BIRC2: variants seen among roughly 807,000 people sequenced by gnomAD.
BIRC2 encodes the protein baculoviral IAP repeat containing 2, also known as baculoviral IAP repeat-containing protein 2.
BIRC2 carries 18 observed loss-of-function variants against 60.9 expected under a neutral mutation model. The observed-to-expected ratio is 0.30, with a 90% confidence interval of 0.20 to 0.44. BIRC2 has a LOEUF of 0.44. Among genes scored for constraint, BIRC2 ranks in the 20% least tolerant of loss-of-function variants. The probability of loss-of-function intolerance (pLI) is 1.00; values close to 1 mark genes in which losing one functional copy is unlikely to be tolerated. For synonymous variants in BIRC2, 282 were observed against 247.7 expected (o/e 1.14, Z -1.30); for missense variants, 701 against 728.5 (o/e 0.96, Z 0.43).
chr11:102,356,149 G>A (rs1951417224), intron 3 of BIRC2, among the ~76,000 whole-genome samples: 1 of 149,554 alleles, frequency 6.7e-6, no homozygotes, highest in Non-Finnish European at 1.5e-5. Context: ...CGTGGCAAGA[G>A]TAAGCACCCT....
At chr11:102,351,045 T>C in intron 3 of BIRC2, 102 bp downstream of exon 3, 1 of 1,006,630 alleles carries the variant, frequency 9.9e-7, no homozygotes, top group South Asian at 1.6e-5. Flanking sequence ...ACAAAGCCTC[T>C]TTTATGCCAT....
intron 6 of BIRC2, among the ~76,000 whole-genome samples, chr11:102,376,744 T>C (rs1355049458): frequency 6.6e-6 from 1 of 152,238 alleles, no homozygotes. Flanking sequence ...ATTTATAAAA[T>C]AATAATGGTA....
At chr11:102,364,719 G>A (rs187242265) in intron 5 of BIRC2, among the ~76,000 whole-genome samples, 46 of 152,326 alleles carry the variant, frequency 3.0e-4, no homozygotes, top group African/African-American at 8.7e-4. Context: ...CAAGATGTAT[G>A]AGTCTTAGAA....
rs2135803092 is a variant in BIRC2, at chr11:102,350,591, A to G, written c.737A>G (p.Asn246Ser). 2 of 1,614,216 alleles carry G rather than the reference A, an allele frequency of 1.2e-6. No individual in the cohort carries two copies. The highest frequency in any genetic ancestry group is 8.5e-7 in the Non-Finnish European group (1 of 1,180,038). ...TCAGAACACCGGAGGCATTTTCCCAACTGTCCATTTTTGGAAAATTCTCTA... is the reference window on the plus strand; with the variant it reads ...TCAGAACACCGGAGGCATTTTCCCAGCTGTCCATTTTTGGAAAATTCTCTA... Reference protein sequence around the residue: ...AMSEHRRHFPNCPFLENSLET... With the variant: ...AMSEHRRHFPSCPFLENSLET... Residue 246 changes from asparagine to serine, a missense_variant, in exon 2 of 9, where the codon AAC (asparagine) becomes AGC (serine). Coordinates refer to ENST00000227758, the MANE Select transcript of BIRC2 (RefSeq NM_001166.5).
chr11:102,356,773 G>A (rs1826893968), intron 3 of BIRC2, among the ~76,000 whole-genome samples: 1 of 150,556 alleles, frequency 6.6e-6, no homozygotes, highest in African/African-American at 2.4e-5. Flanking sequence ...CTGCCTCCTG[G>A]GTTCAAGTGA....
At chr11:102,364,186 C>CAGAGAG (rs56992401) in intron 5 of BIRC2, among the ~76,000 whole-genome samples, 3 of 99,774 alleles carry the variant, frequency 3.0e-5, no homozygotes, top group African/African-American at 4.2e-5. Flanking sequence ...CACACACACA[C>CAGAGAG]AGAGAGAGAG....
Position 102,377,647 on chromosome 11 carries a change from G to A in BIRC2, c.1518G>A (p.Ala506=). ...AAAAAACACAGATACCTTTACAAGC[G>A]AGAGAACTGATTGATACCATTTTGG... is the stretch of plus-strand genomic sequence containing the variant. ...IKQKTQIPLQ[A]RELIDTILVK... is the part of the protein sequence containing the mutation. The change falls in exon 7 of 9, where the codon GCG becomes GCA. Residue 506 remains alanine, a synonymous_variant. Transcript: ENST00000227758. 2.5e-6 allele frequency: 4 copies of A among 1,610,874 alleles called. No homozygotes were observed. The highest frequency in any genetic ancestry group is 2.2e-5 in the East Asian group (1 of 44,842).
At position 102,377,661 on chromosome 11, in the gene BIRC2, A is replaced by T; in HGVS notation, c.1532A>T (p.Asp511Val). 6.2e-7 allele frequency: 1 copy of T among 1,611,368 alleles called. No individual in the cohort carries two copies. Among genetic ancestry groups the T allele is most frequent in the African/African-American group, 1.3e-5 (1 of 74,858 alleles). ...QIPLQARELI[D>V]TILVKGNAAA... ...CCTTTACAAGCGAGAGAACTGATTG[A>T]TACCATTTTGGTTAAAGGAAATGCT... Residue 511 changes from aspartate to valine, a missense_variant, in exon 7 of 9, where the codon GAT becomes GTT. By Grantham distance (152) the Asp-to-Val change is radical. Coordinates refer to ENST00000227758, the MANE Select transcript of BIRC2 (RefSeq NM_001166.5).
chr11:102,376,676 T>TA (rs1323843237), intron 6 of BIRC2, among the ~76,000 whole-genome samples: 1 of 152,140 alleles, frequency 6.6e-6, no homozygotes, highest in South Asian at 2.1e-4. Flanking sequence ...ATTGGCTTTT[T>TA]AAAAAAAGGT....
At chr11:102,377,445 A>C (rs747330276) in intron 6 of BIRC2, 51 bp from the exon 7 acceptor site, 63 of 1,511,332 alleles carry the variant, frequency 4.2e-5, no homozygotes, top group Non-Finnish European at 5.5e-5. Flanking sequence ...ATATGAGTAT[A>C]GTTAAAGGAG....
rs968159603 is a variant in BIRC2, at chr11:102,349,395, T to C, written c.-460T>C. On this transcript the variant is annotated 5_prime_UTR_variant, in exon 2 of 9. Coordinates refer to ENST00000227758, the MANE Select transcript of BIRC2 (RefSeq NM_001166.5). ...GCTTATAGGGAAAGAAGCCTGCATA[T>C]AATTTTTTACCTTGTGGCATAATCA... The C allele has an allele frequency of 3.9e-5, 6 of 152,976 alleles. No homozygotes were observed. The highest frequency in any genetic ancestry group is 1.2e-4 in the African/African-American group (5 of 41,484). 9.5% of individuals were successfully genotyped at this position (152,976 alleles called of 1,614,324 possible).
Position 102,368,603 on chromosome 11 carries a change from T to C in BIRC2, c.1366+55T>C, listed in dbSNP as rs1591540589. Reference sequence around the variant, plus strand: ...TTTCTCAGTGGAGCTCTTAGGACTGTCTCACATGTTACAGGACACCATGCT... The same window carrying C: ...TTTCTCAGTGGAGCTCTTAGGACTGCCTCACATGTTACAGGACACCATGCT... On this transcript the variant is annotated intron_variant, in intron 6 of 8. Transcript: ENST00000227758. 81 of 1,580,334 alleles carry C rather than the reference T, an allele frequency of 5.1e-5. 1 individual carries two copies. The South Asian group carries it at 9.5e-4, about 19-fold the overall frequency.
intron 5 of BIRC2, among the ~76,000 whole-genome samples, chr11:102,367,594 G>A (rs1227704701): frequency 1.3e-5 from 2 of 152,120 alleles, no homozygotes; most frequent in Non-Finnish European, 2.9e-5. Context: ...AGTATCATAT[G>A]GGCTAGCATT....
chr11:102,348,598 A>G lies in BIRC2; in HGVS notation c.-1257A>G, dbSNP rs1162623039. 5.0e-6 allele frequency: 1 copy of G among 200,948 alleles called. No homozygotes were observed. The highest frequency in any genetic ancestry group is 1.0e-5 in the Non-Finnish European group (1 of 95,334). 12.4% of individuals were successfully genotyped at this position (200,948 alleles called of 1,614,324 possible). On this transcript the variant is annotated splice_region_variant and 5_prime_UTR_variant, in exon 2 of 9. Coordinates refer to ENST00000227758, the MANE Select transcript of BIRC2 (RefSeq NM_001166.5). ...AATACTTTTTGTTTTTTCTTTTCAG[A>G]TTTACAACCCTGAAGAATCTCCCTA...
chr11:102,369,491 A>C (rs1951598597), intron 6 of BIRC2, among the ~76,000 whole-genome samples: 1 of 151,438 alleles, frequency 6.6e-6, no homozygotes, highest in South Asian at 2.1e-4. Context: ...AAAGGACACG[A>C]ACTCATCATT....
chr11:102,352,778 T>TA (rs1197634194), intron 3 of BIRC2, among the ~76,000 whole-genome samples: 4 of 152,214 alleles, frequency 2.6e-5, no homozygotes, highest in African/African-American at 9.6e-5. Flanking sequence ...CTAGGCATCA[T>TA]ATATAAGTGG....
intron 5 of BIRC2, among the ~76,000 whole-genome samples, chr11:102,366,660 T>C (rs35623064): frequency 0.064 from 9,735 of 152,090 alleles, 367 homozygotes; most frequent in Non-Finnish European, 0.081. Flanking sequence ...TGAGCCACCA[T>C]GCCCGGCCCT....
At chr11:102,354,615 G>C (rs1450078207) in intron 3 of BIRC2, among the ~76,000 whole-genome samples, 1 of 152,230 alleles carries the variant, frequency 6.6e-6, no homozygotes, top group Non-Finnish European at 1.5e-5. Flanking sequence ...TATGTACACA[G>C]AAGTGGGATT....
At chr11:102,373,688 A>G (rs367559271) in intron 6 of BIRC2, among the ~76,000 whole-genome samples, 1 of 150,432 alleles carries the variant, frequency 6.6e-6, no homozygotes, top group African/African-American at 2.4e-5. Flanking sequence ...GGCGTTCTCT[A>G]TATTTCCTGA....
Sources: allele counts gnomAD v4.1 joint callset (sites outside exome capture counted in the v4.1 genomes callset), GRCh38; gene constraint gnomAD v4.1.1; transcripts MANE v1.5; gene names NCBI Gene and HGNC (gene_info 2026-07-23, HGNC 2026-07-21).